The following PUS7L variants were observed in gnomAD, a reference collection of about 807,000 sequenced individuals.
PUS7L encodes pseudouridylate synthase PUS7L.
Under a neutral mutation model 51.1 loss-of-function variants are expected in PUS7L, and 49 were observed. The ratio of observed to expected loss-of-function variants is 0.96; its 90% CI spans 0.76 to 1.22. The LOEUF (loss-of-function observed/expected upper bound fraction) is 1.22. Ranked by LOEUF, PUS7L falls within the 50% of genes most tolerant of loss-of-function variation. The probability of loss-of-function intolerance (pLI) is 0.00; values close to 1 mark genes in which losing one functional copy is unlikely to be tolerated. For missense variants in PUS7L, 828 were observed against 820.6 expected, an observed-to-expected ratio of 1.01 and a Z score of -0.11; for synonymous variants, 277 against 276.2, an observed-to-expected ratio of 1.00 and a Z score of -0.03.
rs1565625866 is a variant in PUS7L, at chr12:43,729,112, AACT to A, written c.*1261_*1263del. 1 of 395,596 alleles carries A rather than the reference AACT, an allele frequency of 2.5e-6. No homozygotes were observed. 24.5% of individuals were successfully genotyped at this position (395,596 alleles called of 1,614,324 possible). ...TAAATTGTTCATTGCTTTTTTAAAT[AACT>A]ACATATTTTACCATCAAGTTGATAC... On this transcript the variant is annotated 3_prime_UTR_variant, in exon 9 of 9. Transcript: ENST00000344862.
intron 2 of PUS7L, among the ~76,000 whole-genome samples, chr12:43,751,725 G>C (rs970230072): frequency 1.4e-4 from 22 of 152,146 alleles, no homozygotes; most frequent in African/African-American, 5.3e-4. Context: ...TAATGGTATG[G>C]CTGGGTCAAA....
At chr12:43,737,790 C>A (rs948577369) in intron 6 of PUS7L, among the ~76,000 whole-genome samples, 1 of 152,010 alleles carries the variant, frequency 6.6e-6, no homozygotes, top group Non-Finnish European at 1.5e-5. Flanking sequence ...TGAGAGTTAA[C>A]CCCATGCAGT....
At chr12:43,733,025 A>T (rs192601752) in intron 7 of PUS7L, among the ~76,000 whole-genome samples, 15 of 152,356 alleles carry the variant, frequency 9.8e-5, no homozygotes, top group Non-Finnish European at 1.8e-4. Context: ...GGTCAGGTAT[A>T]AAACACCATG....
At chr12:43,748,216 C>T (rs141219554) in intron 3 of PUS7L, among the ~76,000 whole-genome samples, 2 of 151,974 alleles carry the variant, frequency 1.3e-5, no homozygotes, top group African/African-American at 2.4e-5. Flanking sequence ...ATTAAGCTGA[C>T]GGAGGCTAAA....
At chr12:43,746,984 T>C (rs937165972) in intron 3 of PUS7L, among the ~76,000 whole-genome samples, 2 of 152,236 alleles carry the variant, frequency 1.3e-5, no homozygotes, top group African/African-American at 4.8e-5. Flanking sequence ...TTCTGCACTA[T>C]CCTGCACTTC....
rs1204131926 is a variant in PUS7L at position 43,728,398 on chromosome 12, T to C, written c.*1978A>G. 1 of 152,176 alleles carries C rather than the reference T, an allele frequency of 6.6e-6. No individual in the cohort carries two copies. The highest frequency in any genetic ancestry group is 1.5e-5 in the Non-Finnish European group (1 of 67,998). 9.4% of individuals were successfully genotyped at this position (152,176 alleles called of 1,614,324 possible). On this transcript the variant is annotated 3_prime_UTR_variant, in exon 9 of 9. Transcript: ENST00000344862. ...TATATTTTCATGCTTTCGTATTTTC[T>C]GATTGCTATTCAAAACTTTTAAAAA...
chr12:43,743,050 G>A (rs900590507), intron 4 of PUS7L, among the ~76,000 whole-genome samples: 1 of 152,116 alleles, frequency 6.6e-6, no homozygotes, highest in East Asian at 1.9e-4. Context: ...CTTAAAGGCT[G>A]ACCTGAGACA....
At chr12:43,748,712 G>A in intron 2 of PUS7L, 103 bp from the exon 3 acceptor site, 2 of 983,264 alleles carry the variant, frequency 2.0e-6, no homozygotes, top group Non-Finnish European at 2.9e-6. Context: ...ATTAATCTAA[G>A]GAGTTTTGTT....
Position 43,730,155 on chromosome 12 carries a change from A to T in PUS7L, c.*221T>A, listed in dbSNP as rs528715933. ...AGGTCACTGAAACATATAATAGAAA[A>T]AAAACACAGGCTTTGGGGTCACATG... On this transcript the variant is annotated 3_prime_UTR_variant, in exon 9 of 9. Coordinates refer to ENST00000344862, the MANE Select transcript of PUS7L (RefSeq NM_031292.5). 70 of 509,492 alleles carry T rather than the reference A, an allele frequency of 1.4e-4. No individual in the cohort carries two copies. Among genetic ancestry groups the T allele is most frequent in the African/African-American group, 1.2e-3 (64 of 52,812 alleles). The allele number at this position is 509,492 out of a possible 1,614,324, so 31.6% of individuals were successfully genotyped here.
rs1944453486 is a variant in PUS7L at position 43,726,265 on chromosome 12, G to A, written c.*4111C>T. 1 of 152,118 alleles carries A rather than the reference G, an allele frequency of 6.6e-6. No individual in the cohort carries two copies. The highest frequency in any genetic ancestry group is 2.4e-5 in the African/African-American group (1 of 41,414). The allele number at this position is 152,118 out of a possible 1,614,324, so 9.4% of individuals were successfully genotyped here. On this transcript the variant is annotated 3_prime_UTR_variant, in exon 9 of 9. Transcript: ENST00000344862. ...ACACACCTACAGCTACTTGATTTTT[G>A]TTAAAGTCAACAATAACAAGCAACA...
In PUS7L at chr12:43,722,639, AT is replaced by A. The variant is rs1443730394; in HGVS notation, c.*7736del. On this transcript the variant is annotated 3_prime_UTR_variant, in exon 9 of 9. Coordinates refer to ENST00000344862, the MANE Select transcript of PUS7L (RefSeq NM_031292.5). ...AAAATTCATTTTATTATAACCTATC[AT>A]TCATTTTATTATAATGGAATTATAA... 1 of 152,128 alleles carries A rather than the reference AT, an allele frequency of 6.6e-6. No individual in the cohort carries two copies. The highest frequency in any genetic ancestry group is 1.9e-4 in the East Asian group (1 of 5,200). The allele number at this position is 152,128 out of a possible 1,614,324, so 9.4% of individuals were successfully genotyped here.
chr12:43,732,050 T>C (rs540501572), intron 7 of PUS7L, among the ~76,000 whole-genome samples: 1 of 152,328 alleles, frequency 6.6e-6, no homozygotes, highest in East Asian at 1.9e-4. Flanking sequence ...TTTTTCTAAA[T>C]CACAAAGTTT....
Position 43,729,065 on chromosome 12 carries a change from G to A in PUS7L, c.*1311C>T, listed in dbSNP as rs1034395059. ...GTAACATATGTGTTCTACTTTTAGG[G>A]GGCAACATTTTCTCATGAAACTAAA... On this transcript the variant is annotated 3_prime_UTR_variant, in exon 9 of 9. Coordinates refer to ENST00000344862, the MANE Select transcript of PUS7L (RefSeq NM_031292.5). 6 of 388,416 alleles carry A rather than the reference G, an allele frequency of 1.5e-5. No individual in the cohort carries two copies. Among genetic ancestry groups the A allele is most frequent in the African/African-American group, 8.3e-5 (4 of 48,342 alleles). The allele number at this position is 388,416 out of a possible 1,614,324, so 24.1% of individuals were successfully genotyped here. A position where few individuals can be genotyped will look rare whatever the true frequency, so the allele number is the denominator to read the frequency against.
intron 4 of PUS7L, among the ~76,000 whole-genome samples, chr12:43,744,076 T>C (rs1409702442): frequency 1.3e-5 from 2 of 152,168 alleles, no homozygotes; most frequent in African/African-American, 4.8e-5. Context: ...GGCAGCTGTA[T>C]GTTCATAAAT....
chr12:43,733,593 T>C (rs1944611522), intron 7 of PUS7L, among the ~76,000 whole-genome samples: 1 of 152,200 alleles, frequency 6.6e-6, no homozygotes, highest in Admixed American at 6.5e-5. Context: ...ATAAAACTCA[T>C]GCATTTCAAA....
At chr12:43,756,973 C>A (rs1938733468) in intron 1 of PUS7L, among the ~76,000 whole-genome samples, 1 of 152,170 alleles carries the variant, frequency 6.6e-6, no homozygotes, top group African/African-American at 2.4e-5. Context: ...AGATTAGGGA[C>A]CCTGCTTATT....
In PUS7L at chr12:43,755,619, A is replaced by G. The variant is rs532057464; in HGVS notation, c.-16-358T>C. Among the ~76,000 whole-genome samples, 22 of 152,304 alleles carry G rather than the reference A, an allele frequency of 1.4e-4. No individual in the cohort carries two copies. In the South Asian group the frequency reaches 2.9e-3, roughly 20 times the overall value. ...GAGAACACAGGACTATAAAACAAAG[A>G]TTTGTCCAAATTCCATTCCTGGAGC... On this transcript the variant is annotated intron_variant, in intron 1 of 8. Transcript: ENST00000344862.
At chr12:43,733,117 A>G (rs953083831) in intron 7 of PUS7L, among the ~76,000 whole-genome samples, 1 of 152,092 alleles carries the variant, frequency 6.6e-6, no homozygotes, top group Non-Finnish European at 1.5e-5. Context: ...CTGCTCCCCA[A>G]CTATAAATTC....
rs774058013 is a variant in PUS7L, at chr12:43,730,357, T to A, written c.*19A>T. ...CTTCAAAGAGTGACATATATATGGT[T>A]ATACCAAGGGTATCAGTTTTAAACG... On this transcript the variant is annotated 3_prime_UTR_variant, in exon 9 of 9. Coordinates refer to ENST00000344862, the MANE Select transcript of PUS7L (RefSeq NM_031292.5). 2 of 1,592,318 alleles carry A rather than the reference T, an allele frequency of 1.3e-6. No individual in the cohort carries two copies.
Sources: allele counts gnomAD v4.1 joint callset (sites outside exome capture counted in the v4.1 genomes callset), GRCh38; gene constraint gnomAD v4.1.1; transcripts MANE v1.5; gene names NCBI Gene and HGNC (gene_info 2026-07-23, HGNC 2026-07-21).